PDE1A: variants seen among roughly 807,000 people sequenced by gnomAD.
The protein encoded by PDE1A is dual specificity calcium/calmodulin-dependent 3',5'-cyclic nucleotide phosphodiesterase 1A.
PDE1A carries 35 observed loss-of-function variants against 61.7 expected under a neutral mutation model. The observed-to-expected ratio is 0.57, with a 90% CI of 0.43 to 0.75. The LOEUF (loss-of-function observed/expected upper bound fraction) is 0.75, where lower values mean the gene tolerates loss of function less well. Ranked by LOEUF, PDE1A falls within the 30% of genes least tolerant of loss-of-function variation. The pLI is 0.00. For missense variants in PDE1A, 597 were observed against 630.6 expected (o/e 0.95, Z 0.57); for synonymous variants, 232 against 213.2 (o/e 1.09, Z -0.77).
At chr2:182,153,533 A>G (rs1426061589) in intron 13 of PDE1A, among the ~76,000 whole-genome samples, 1 of 152,186 alleles carries the variant, frequency 6.6e-6, no homozygotes, top group African/African-American at 2.4e-5. Context: ...TTATTCCTAG[A>G]AGGGAACTTT....
At chr2:182,606,046 C>A in the PDE1A span, among the ~76,000 whole-genome samples, 1 of 152,150 alleles carries the variant, frequency 6.6e-6, no homozygotes, top group African/African-American at 2.4e-5. Flanking sequence ...GGATATCATA[C>A]TGTCACTTAA....
At chr2:182,314,906 G>T (rs1224408124) in intron 1 of PDE1A, among the ~76,000 whole-genome samples, 10 of 152,116 alleles carry the variant, frequency 6.6e-5, no homozygotes, top group African/African-American at 2.4e-4. Flanking sequence ...TATTCAGTTA[G>T]ATTAACTTGT....
intron 4 of PDE1A, among the ~76,000 whole-genome samples, chr2:182,233,470 T>A (rs1371158585): frequency 6.6e-6 from 1 of 152,120 alleles, no homozygotes; most frequent in Non-Finnish European, 1.5e-5. Flanking sequence ...AAATGAGCTA[T>A]CTTTTAACAT....
downstream of PDE1A, chr2:182,142,492 T>C (rs1690274106): frequency 6.6e-6 from 1 of 152,220 alleles, no homozygotes; most frequent in East Asian, 1.9e-4. Context: ...GTAGCATTGC[T>C]CTGATGCTTC....
intron 1 of PDE1A, among the ~76,000 whole-genome samples, chr2:182,380,334 G>A (rs55755738): frequency 3.3e-5 from 5 of 151,412 alleles, no homozygotes; most frequent in Non-Finnish European, 5.9e-5. Context: ...GGATGGTCTC[G>A]ATCTCCTGAT....
chr2:182,587,054 G>T, the PDE1A span, among the ~76,000 whole-genome samples: 2 of 152,184 alleles, frequency 1.3e-5, no homozygotes, highest in Non-Finnish European at 2.9e-5. Context: ...ATACAAGAAA[G>T]ATGAGTGGTA....
At chr2:182,595,018 C>T in the PDE1A span, among the ~76,000 whole-genome samples, 3 of 152,086 alleles carry the variant, frequency 2.0e-5, no homozygotes, top group African/African-American at 2.4e-5. Flanking sequence ...GTTAGTGGTA[C>T]ACATTCATAT....
intron 1 of PDE1A, among the ~76,000 whole-genome samples, chr2:182,268,134 G>A (rs1692764279): frequency 6.6e-6 from 1 of 151,948 alleles, no homozygotes; most frequent in African/African-American, 2.4e-5. Context: ...AGTTGTTCTG[G>A]TTCCCAAAGC....
At chr2:182,537,702 A>G in the PDE1A span, among the ~76,000 whole-genome samples, 1 of 152,048 alleles carries the variant, frequency 6.6e-6, no homozygotes, top group Admixed American at 6.6e-5. Context: ...ATATCCATGG[A>G]AAGAAAATTT....
intron 1 of PDE1A, among the ~76,000 whole-genome samples, chr2:182,392,928 A>G (rs12693305): frequency 0.7 from 107,225 of 152,264 alleles, 38,049 homozygotes; most frequent in East Asian, 0.96. Flanking sequence ...TTCCTGAGCT[A>G]GTGTTGTGTC....
chr2:182,639,950 C>T, the PDE1A span, among the ~76,000 whole-genome samples: 1 of 148,836 alleles, frequency 6.7e-6, no homozygotes, highest in Non-Finnish European at 1.5e-5. Flanking sequence ...AATTAGAATG[C>T]TCAACAATAT....
chr2:182,506,933 A>G (rs982325714), intron 2 of PDE1A, among the ~76,000 whole-genome samples: 2 of 152,316 alleles, frequency 1.3e-5, no homozygotes, highest in Admixed American at 1.3e-4. Flanking sequence ...GGGAAATTAC[A>G]TTTGTTCACA....
chr2:182,350,287 T>C (rs190053305), intron 1 of PDE1A, among the ~76,000 whole-genome samples: 1 of 152,332 alleles, frequency 6.6e-6, no homozygotes, highest in East Asian at 1.9e-4. Context: ...TGGATGATTC[T>C]CAGTATTGGG....
In PDE1A at chr2:182,264,286, A is replaced by T; in HGVS notation, c.167+15T>A. ...AGAATCAAAGAAGATAAAAGAGAAG[A>T]AGGTTAAAACTTACCTTGTTTCATC... On this transcript the variant is annotated intron_variant, in intron 2 of 13. Transcript: ENST00000351439. 1 of 1,513,570 alleles carries T rather than the reference A, an allele frequency of 6.6e-7. No homozygotes were observed. The highest frequency in any genetic ancestry group is 9.1e-7 in the Non-Finnish European group (1 of 1,094,778). The allele number at this position is 1,513,570 out of a possible 1,614,324, so 93.8% of individuals were successfully genotyped here.
At chr2:182,590,641 T>C in the PDE1A span, among the ~76,000 whole-genome samples, 1 of 152,196 alleles carries the variant, frequency 6.6e-6, no homozygotes, top group South Asian at 2.1e-4. Flanking sequence ...TCACCATTTT[T>C]TTCATAAAAT....
chr2:182,475,439 G>A (rs576873139), intron 2 of PDE1A, among the ~76,000 whole-genome samples: 4 of 152,012 alleles, frequency 2.6e-5, no homozygotes, highest in South Asian at 4.1e-4. Flanking sequence ...ATCTCACTGA[G>A]GGGAATAAAT....
the PDE1A span, among the ~76,000 whole-genome samples, chr2:182,639,720 G>T: frequency 2.0e-5 from 3 of 151,198 alleles, no homozygotes; most frequent in African/African-American, 7.3e-5. Flanking sequence ...AAAAGAATGA[G>T]AAAATATTAG....
intron 13 of PDE1A, among the ~76,000 whole-genome samples, chr2:182,178,117 T>G (rs182690171): frequency 1.7e-4 from 26 of 152,324 alleles, no homozygotes; most frequent in African/African-American, 5.8e-4. Context: ...AACAGGCTCA[T>G]GCCTATTTAG....
intron 2 of PDE1A, among the ~76,000 whole-genome samples, chr2:182,258,912 G>A (rs1692015981): frequency 6.6e-6 from 1 of 152,078 alleles, no homozygotes; most frequent in Admixed American, 6.6e-5. Flanking sequence ...TTGAGCATTT[G>A]TTCTTGTGCC....
Sources: allele counts gnomAD v4.1 joint callset (sites outside exome capture counted in the v4.1 genomes callset), GRCh38; gene constraint gnomAD v4.1.1; transcripts MANE v1.5; gene names NCBI Gene and HGNC (gene_info 2026-07-23, HGNC 2026-07-21).